GNAQ: variants seen among roughly 807,000 people sequenced by gnomAD.
The protein encoded by GNAQ is guanine nucleotide-binding protein G(q) subunit alpha.
A neutral mutation model predicts 43.9 loss-of-function variants in GNAQ; 8 were observed. The observed-to-expected ratio is 0.18, with a 90% CI of 0.11 to 0.33. The LOEUF is 0.33. Ranked by LOEUF, GNAQ falls within the 10% of genes least tolerant of loss-of-function variation. The probability of loss-of-function intolerance (pLI) is 1.00; values close to 1 mark genes in which losing one functional copy is unlikely to be tolerated. For synonymous variants in GNAQ, 155 were observed against 170.7 expected, an observed-to-expected ratio of 0.91 and a Z score of 0.71; for missense variants, 158 against 450.8, an observed-to-expected ratio of 0.35 and a Z score of 5.88.
chr9:77,984,854 T>C (rs1223909249), intron 1 of GNAQ, among the ~76,000 whole-genome samples: 1 of 152,130 alleles, frequency 6.6e-6, no homozygotes, highest in Non-Finnish European at 1.5e-5. Flanking sequence ...GAGTGAAGAA[T>C]GGAGCAATCC....
intron 6 of GNAQ, among the ~76,000 whole-genome samples, chr9:77,727,321 T>C (rs1038934807): frequency 6.6e-6 from 1 of 152,100 alleles, no homozygotes; most frequent in Non-Finnish European, 1.5e-5. Context: ...CCTGGCCACA[T>C]AGACTCTTAT....
At chr9:77,973,008 A>G in intron 1 of GNAQ, among the ~76,000 whole-genome samples, 1 of 140,578 alleles carries the variant, frequency 7.1e-6, no homozygotes, top group South Asian at 2.6e-4. Flanking sequence ...CATTTAAAAA[A>G]GAAAGGAAAA....
intron 1 of GNAQ, among the ~76,000 whole-genome samples, chr9:78,030,209 G>A (rs868417654): frequency 2.6e-5 from 4 of 152,122 alleles, no homozygotes; most frequent in Non-Finnish European, 5.9e-5. Flanking sequence ...AGACTGCACT[G>A]GTTTTCGGTA....
Position 77,769,888 on chromosome 9 carries a change from G to A in GNAQ, c.735+24575C>T, listed in dbSNP as rs143532063. Among the ~76,000 whole-genome samples, 693 of 152,014 alleles carry A rather than the reference G, an allele frequency of 4.6e-3. 4 individuals are homozygous for A. The highest frequency in any genetic ancestry group is 0.015 in the African/African-American group (636 of 41,486). On this transcript the variant is annotated intron_variant, in intron 5 of 6. Coordinates refer to ENST00000286548, the MANE Select transcript of GNAQ (RefSeq NM_002072.5). ...TCACTGTGTTAGCCAGGATGGTCTCGATCTCCTGACCTCGTGATCTGCCCG... is the reference window on the plus strand; with the variant it reads ...TCACTGTGTTAGCCAGGATGGTCTCAATCTCCTGACCTCGTGATCTGCCCG...
chr9:77,940,372 G>C (rs138291857), intron 1 of GNAQ, among the ~76,000 whole-genome samples: 1 of 152,242 alleles, frequency 6.6e-6, no homozygotes, highest in Non-Finnish European at 1.5e-5. Flanking sequence ...CCTAAGCTCA[G>C]GAGTTTGAGA....
At chr9:77,833,305 C>A (rs1453890897) in intron 2 of GNAQ, among the ~76,000 whole-genome samples, 1 of 152,230 alleles carries the variant, frequency 6.6e-6, no homozygotes, top group African/African-American at 2.4e-5. Flanking sequence ...ACTAGCTAGA[C>A]TTTCCCCAAA....
At chr9:77,872,807 T>C (rs144953132) in intron 2 of GNAQ, among the ~76,000 whole-genome samples, 3 of 152,226 alleles carry the variant, frequency 2.0e-5, no homozygotes, top group Admixed American at 2.0e-4. Context: ...CACAGACACA[T>C]GAAAGGGGCT....
chr9:77,802,041 C>G (rs1163257506), intron 3 of GNAQ, among the ~76,000 whole-genome samples: 2 of 152,056 alleles, frequency 1.3e-5, no homozygotes, highest in Non-Finnish European at 2.9e-5. Context: ...GTGATGCATA[C>G]CTGAAATGTC....
intron 2 of GNAQ, among the ~76,000 whole-genome samples, chr9:77,889,327 C>A (rs763994880): frequency 7.4e-6 from 1 of 134,316 alleles, no homozygotes; most frequent in Non-Finnish European, 1.5e-5. Context: ...GGGAGGACTG[C>A]GTGAGCCTGG....
intron 2 of GNAQ, among the ~76,000 whole-genome samples, chr9:77,852,443 T>C (rs889216191): frequency 6.6e-6 from 1 of 152,206 alleles, no homozygotes; most frequent in Non-Finnish European, 1.5e-5. Context: ...TGGCAATGCA[T>C]AATCAACCTG....
chr9:77,751,284 A>G (rs1454573522), intron 5 of GNAQ, among the ~76,000 whole-genome samples: 1 of 152,210 alleles, frequency 6.6e-6, no homozygotes, highest in East Asian at 1.9e-4. Flanking sequence ...AAGATCTGGA[A>G]GAATTTCATA....
At position 77,723,468 on chromosome 9, in the gene GNAQ, A is replaced by C. The variant is rs142003580; in HGVS notation, c.890-1955T>G. Among the ~76,000 whole-genome samples the C allele has an allele frequency of 2.6e-3, 392 of 152,390 alleles. 2 individuals are homozygous for C. Among genetic ancestry groups the C allele is most frequent in the Non-Finnish European group, 4.4e-3 (296 of 68,044 alleles). On this transcript the variant is annotated intron_variant, in intron 6 of 6. Coordinates refer to ENST00000286548, the MANE Select transcript of GNAQ (RefSeq NM_002072.5). ...GTCAAAAGGGCAAGAAGCAATGTAC[A>C]TCAATTTTAATAGCAGCATTGTTAA... is the stretch of plus-strand genomic sequence containing the variant.
intron 2 of GNAQ, among the ~76,000 whole-genome samples, chr9:77,825,901 A>C (rs923553107): frequency 6.6e-6 from 1 of 152,202 alleles, no homozygotes; most frequent in African/African-American, 2.4e-5. Context: ...AAGAGGCCTA[A>C]ATGTGAGATA....
At position 77,804,781 on chromosome 9, in the gene GNAQ, G is replaced by A. The variant is rs544692043; in HGVS notation, c.477-7133C>T. On this transcript the variant is annotated intron_variant, in intron 3 of 6. Coordinates refer to ENST00000286548, the MANE Select transcript of GNAQ (RefSeq NM_002072.5). ...CATTTATAACAAATTTGCAGTTCAC[G>A]TCAAATATTAAGATGAAGTTATGGC... 6.4e-4 allele frequency among the ~76,000 whole-genome samples: 97 copies of A among 152,218 alleles called. 1 individual carries two copies. Among genetic ancestry groups the A allele is most frequent in the South Asian group, 2.1e-4 (1 of 4,822 alleles).
At chr9:77,818,882 C>A (rs923511716) in intron 2 of GNAQ, among the ~76,000 whole-genome samples, 5 of 151,528 alleles carry the variant, frequency 3.3e-5, no homozygotes, top group African/African-American at 1.2e-4. Context: ...TGCCTGTAGT[C>A]CCAGCTACTT....
chr9:77,937,027 T>C (rs1165173744), intron 1 of GNAQ, among the ~76,000 whole-genome samples: 1 of 152,244 alleles, frequency 6.6e-6, no homozygotes, highest in East Asian at 1.9e-4. Context: ...AGTCATTACT[T>C]ATTGCTTGTT....
chr9:77,789,860 C>G (rs1826540295), intron 5 of GNAQ, among the ~76,000 whole-genome samples: 1 of 152,056 alleles, frequency 6.6e-6, no homozygotes, highest in South Asian at 2.1e-4. Flanking sequence ...AACTCCAGGT[C>G]TCTGGTTCAA....
intron 1 of GNAQ, among the ~76,000 whole-genome samples, chr9:78,026,937 T>C (rs946455104): frequency 7.2e-5 from 11 of 152,228 alleles, no homozygotes; most frequent in African/African-American, 2.7e-4. Context: ...AGTCATCACC[T>C]GTGCTCTACA....
At chr9:77,777,181 G>A (rs576202235) in intron 5 of GNAQ, among the ~76,000 whole-genome samples, 1 of 152,088 alleles carries the variant, frequency 6.6e-6, no homozygotes, top group Non-Finnish European at 1.5e-5. Context: ...AAAACCACAT[G>A]CAAAAGAATA....
Sources: gnomAD v4.1 joint callset for allele counts (sites outside exome capture counted in the v4.1 genomes callset) on GRCh38, gnomAD v4.1.1 for gene constraint, MANE v1.5 for transcripts, NCBI Gene and HGNC (gene_info 2026-07-23, HGNC 2026-07-21) for gene names.